MYO16: variants seen among roughly 807,000 people sequenced by gnomAD.
MYO16 encodes myosin XVI.
In MYO16, 94 loss-of-function variants were observed where a neutral mutation model predicts 205.3. The ratio of observed to expected loss-of-function variants is 0.46; its 90% CI spans 0.39 to 0.54. MYO16 has a LOEUF of 0.54. Among genes scored for constraint, MYO16 ranks in the 20% least tolerant of loss-of-function variants. The pLI is 0.00. For missense variants in MYO16, 2,315 were observed against 2,387.5 expected (o/e 0.97, Z 0.63); for synonymous variants, 988 against 954.0 (o/e 1.04, Z -0.66).
rs1428042959 is a variant in MYO16 at position 109,162,399 on chromosome 13, C to T, written c.5165-2502C>T. 6.6e-6 allele frequency among the ~76,000 whole-genome samples: 1 copy of T among 152,140 alleles called. No homozygotes were observed. Among genetic ancestry groups the T allele is most frequent in the East Asian group, 1.9e-4 (1 of 5,184 alleles). On this transcript the variant is annotated intron_variant, in intron 32 of 34. Transcript: ENST00000457511. The surrounding 1 kb of genome is among the most constrained non-coding windows in gnomAD (Gnocchi z 4.6). ...TTCCTCTTTGGTGGTTTCCCAGGCC[C>T]TGACTCATTAGTACCTGGTTTCTTG...
chr13:108,734,567 A>T (rs1884628792), intron 4 of MYO16, among the ~76,000 whole-genome samples: 1 of 152,234 alleles, frequency 6.6e-6, no homozygotes, highest in African/African-American at 2.4e-5. Context: ...CGGAAAGGGA[A>T]TTTAAAAATC....
the MYO16 span, among the ~76,000 whole-genome samples, chr13:108,536,143 C>T: frequency 6.6e-6 from 1 of 152,054 alleles, no homozygotes; most frequent in Admixed American, 6.6e-5. Flanking sequence ...ATAGTGTAGG[C>T]TAAGTGAGAG....
chr13:108,845,467 G>A (rs543978105), intron 10 of MYO16, among the ~76,000 whole-genome samples: 5 of 152,154 alleles, frequency 3.3e-5, no homozygotes, highest in African/African-American at 7.2e-5. Context: ...CTTGCAGGGC[G>A]GACAGCAGGA....
rs182358975 is a variant in MYO16 at position 109,099,770 on chromosome 13, C to T, written c.3336-1015C>T. On this transcript the variant is annotated intron_variant, in intron 27 of 34. Coordinates refer to ENST00000457511, the MANE Select transcript of MYO16 (RefSeq NM_001198950.3). Reference sequence around the variant, plus strand: ...CCATGAGACATGTCCCATACTCCCACTACTTGCTCTGAGGAAAGCAAGTAA... The same window carrying T: ...CCATGAGACATGTCCCATACTCCCATTACTTGCTCTGAGGAAAGCAAGTAA... Among the ~76,000 whole-genome samples, 3 of 152,334 alleles carry T rather than the reference C, an allele frequency of 2.0e-5. No individual in the cohort carries two copies. The South Asian group carries it at 6.2e-4, about 32-fold the overall frequency.
chr13:108,792,967 A>G (rs937492733), intron 5 of MYO16, among the ~76,000 whole-genome samples: 1 of 152,240 alleles, frequency 6.6e-6, no homozygotes, highest in African/African-American at 2.4e-5. Flanking sequence ...GATTTATACT[A>G]AAACAGATAT....
chr13:108,845,558 T>C (rs532047641), intron 10 of MYO16, among the ~76,000 whole-genome samples: 7 of 152,156 alleles, frequency 4.6e-5, no homozygotes, highest in Non-Finnish European at 7.4e-5. Context: ...AGGCTTAGGA[T>C]CCCACCCTTA....
At chr13:108,574,962 T>C in the MYO16 span, among the ~76,000 whole-genome samples, 1 of 152,098 alleles carries the variant, frequency 6.6e-6, no homozygotes, top group South Asian at 2.1e-4. Flanking sequence ...TGACTAATTC[T>C]AGTATAAGGT....
chr13:108,972,249 C>CTCTCTCTA (rs1178345437), intron 20 of MYO16, among the ~76,000 whole-genome samples: 8 of 2,850 alleles, frequency 2.8e-3, no homozygotes, highest in Admixed American at 8.9e-3. Context: ...CTCTCTCTCT[C>CTCTCTCTA]TATATATATA....
At chr13:108,952,405 T>C (rs1241294838) in intron 16 of MYO16, among the ~76,000 whole-genome samples, 2 of 152,080 alleles carry the variant, frequency 1.3e-5, no homozygotes, top group Non-Finnish European at 2.9e-5. Flanking sequence ...ATGACTAGCT[T>C]CACAACTTTA....
intron 12 of MYO16, among the ~76,000 whole-genome samples, chr13:108,872,103 G>A (rs1055671740): frequency 5.3e-5 from 8 of 152,160 alleles, no homozygotes; most frequent in African/African-American, 1.9e-4. Context: ...ACCAAGGGGT[G>A]GGAGGGGAAA....
chr13:108,786,586 C>G (rs931069212), intron 5 of MYO16, among the ~76,000 whole-genome samples: 2 of 152,160 alleles, frequency 1.3e-5, no homozygotes, highest in African/African-American at 2.4e-5. Context: ...CCTCATTGTT[C>G]CCTTGTGCTC....
intron 34 of MYO16, among the ~76,000 whole-genome samples, chr13:109,185,045 C>T (rs184294733): frequency 6.6e-6 from 1 of 152,260 alleles, no homozygotes; most frequent in East Asian, 1.9e-4. Context: ...AGTGTTATTA[C>T]AGGAGTGAGC....
intron 12 of MYO16, among the ~76,000 whole-genome samples, chr13:108,879,862 T>C (rs1417146584): frequency 6.6e-6 from 1 of 152,216 alleles, no homozygotes; most frequent in African/African-American, 2.4e-5. Context: ...TTTATAATCC[T>C]TTGGGTATAT....
At chr13:108,573,961 C>T in the MYO16 span, among the ~76,000 whole-genome samples, 1 of 152,108 alleles carries the variant, frequency 6.6e-6, no homozygotes, top group Non-Finnish European at 1.5e-5. Flanking sequence ...AGCGATCCTC[C>T]CACCTCAGCC....
intron 4 of MYO16, among the ~76,000 whole-genome samples, chr13:108,783,577 A>G (rs187895416): frequency 3.3e-5 from 5 of 152,240 alleles, no homozygotes; most frequent in African/African-American, 9.6e-5. Flanking sequence ...ATTTGTAGGG[A>G]CCAGGGGCAG....
chr13:108,539,807 G>A, the MYO16 span, among the ~76,000 whole-genome samples: 1 of 152,082 alleles, frequency 6.6e-6, no homozygotes, highest in African/African-American at 2.4e-5. Context: ...AGAAAGCTCA[G>A]CCAAAAGAGT....
intron 27 of MYO16, among the ~76,000 whole-genome samples, chr13:109,077,545 C>T (rs976482300): frequency 6.6e-6 from 1 of 152,204 alleles, no homozygotes; most frequent in Non-Finnish European, 1.5e-5. Context: ...GCTGTACACT[C>T]TCACGTCATT....
chr13:109,109,870 C>T (rs1889232334), intron 28 of MYO16, among the ~76,000 whole-genome samples: 1 of 152,160 alleles, frequency 6.6e-6, no homozygotes, highest in South Asian at 2.1e-4. Flanking sequence ...ATTAGGAAAG[C>T]AATGCCAGAA....
intron 34 of MYO16, among the ~76,000 whole-genome samples, chr13:109,183,226 G>A (rs534059119): frequency 6.6e-6 from 1 of 152,162 alleles, no homozygotes; most frequent in Non-Finnish European, 1.5e-5. Flanking sequence ...GCGGCGGTGG[G>A]GGGGAATGCT....
Sources: allele counts gnomAD v4.1 joint callset (sites outside exome capture counted in the v4.1 genomes callset), GRCh38; gene constraint gnomAD v4.1.1; non-coding constraint Gnocchi (gnomAD v3.1); transcripts MANE v1.5; gene names NCBI Gene and HGNC (gene_info 2026-07-23, HGNC 2026-07-21).